Variants in GABRR2 observed in about 807,000 individuals in gnomAD.
GABRR2 encodes gamma-aminobutyric acid type A receptor subunit rho2, also known as gamma-aminobutyric acid receptor subunit rho-2.
In GABRR2, 36 loss-of-function variants were observed where a neutral mutation model predicts 47.0. The ratio of observed to expected loss-of-function variants is 0.77; its 90% confidence interval spans 0.59 to 1.01. The LOEUF (loss-of-function observed/expected upper bound fraction) is 1.01. Among genes scored for constraint, GABRR2 ranks in the 50% least tolerant of loss-of-function variants. The probability of loss-of-function intolerance (pLI) is 0.00; values close to 1 mark genes in which losing one functional copy is unlikely to be tolerated. For missense variants in GABRR2, 587 were observed against 594.6 expected, an observed-to-expected ratio of 0.99 and a Z score of 0.13; for synonymous variants, 204 against 227.5, an observed-to-expected ratio of 0.90 and a Z score of 0.93.
intron 8 of GABRR2, among the ~76,000 whole-genome samples, chr6:89,264,088 T>C (rs566344165): frequency 1.3e-5 from 2 of 152,202 alleles, no homozygotes; most frequent in Non-Finnish European, 2.9e-5. Context: ...AACTTTCACA[T>C]ACATTATCTC....
intron 2 of GABRR2, among the ~76,000 whole-genome samples, chr6:89,290,605 G>A (rs552906623): frequency 7.4e-4 from 113 of 152,328 alleles, no homozygotes; most frequent in African/African-American, 2.6e-3. Flanking sequence ...ACTCTGAGCC[G>A]GGTGTGGGGC....
At chr6:89,296,789 G>A (rs142505614) in intron 2 of GABRR2, among the ~76,000 whole-genome samples, 216 of 152,370 alleles carry the variant, frequency 1.4e-3, no homozygotes, top group African/African-American at 5.0e-3. Flanking sequence ...CAGAGTCAGG[G>A]TTTCTGGGAA....
intron 2 of GABRR2, among the ~76,000 whole-genome samples, chr6:89,288,998 G>A (rs1774389534): frequency 6.6e-6 from 1 of 152,152 alleles, no homozygotes; most frequent in Admixed American, 6.5e-5. Context: ...GTGACTGAAA[G>A]AATGAATCAA....
At chr6:89,298,855 A>G (rs1774599787) in intron 2 of GABRR2, among the ~76,000 whole-genome samples, 3 of 152,140 alleles carry the variant, frequency 2.0e-5, no homozygotes. Context: ...AGCCCTCACC[A>G]GTGGGATTAG....
At chr6:89,265,480 A>C in intron 7 of GABRR2, 133 bp downstream of exon 7, 2 of 977,232 alleles carry the variant, frequency 2.0e-6, no homozygotes, top group South Asian at 4.2e-5. Context: ...AAAGGCAAGA[A>C]ACATGAAGTT....
intron 1 of GABRR2, chr6:89,302,610 G>A: frequency 8.2e-7 from 1 of 1,212,402 alleles, no homozygotes; most frequent in Non-Finnish European, 1.2e-6. Flanking sequence ...GCATTACCGG[G>A]CCCTGACCGT....
intron 1 of GABRR2, among the ~76,000 whole-genome samples, chr6:89,308,574 C>T (rs1767614359): frequency 6.6e-6 from 1 of 152,166 alleles, no homozygotes; most frequent in African/African-American, 2.4e-5. Flanking sequence ...CCCAGATTCC[C>T]CTATAAGCCA....
intron 8 of GABRR2, 37 bp downstream of exon 8, chr6:89,264,375 G>T (rs1051132253): frequency 5.0e-6 from 8 of 1,588,270 alleles, no homozygotes; most frequent in Non-Finnish European, 6.0e-6. Context: ...TCACCCAGCA[G>T]CATGGACTTA....
At chr6:89,292,780 G>GA (rs1774482808) in intron 2 of GABRR2, among the ~76,000 whole-genome samples, 1 of 12,722 alleles carries the variant, frequency 7.9e-5, no homozygotes, top group Non-Finnish European at 1.3e-4. Flanking sequence ...CGTATATATC[G>GA]TATATACGAT....
intron 1 of GABRR2, among the ~76,000 whole-genome samples, chr6:89,303,835 G>T (rs992784660): frequency 6.6e-6 from 1 of 152,074 alleles, no homozygotes; most frequent in Non-Finnish European, 1.5e-5. Context: ...CTTATGCAAA[G>T]CCAACAAAAG....
rs531769395 is a variant in GABRR2 at position 89,269,085 on chromosome 6, C to T, written c.438G>A (p.Ser146=). 22 of 1,614,012 alleles carry T rather than the reference C, an allele frequency of 1.4e-5. No homozygotes were observed. The highest frequency in any genetic ancestry group is 3.3e-5 in the South Asian group (3 of 91,084). ...PDVFFVHSKR[S]FTHDTTTDNI... Reference sequence around the variant, plus strand: ...TGTCAGTGGTGGTGTCATGAGTGAACGATCTTTTGGAGTGAACAAAGAAGA... The same window carrying T: ...TGTCAGTGGTGGTGTCATGAGTGAATGATCTTTTGGAGTGAACAAAGAAGA... Residue 146 remains serine, a synonymous_variant, in exon 4 of 9, where the codon TCG becomes TCA. Transcript: ENST00000402938.
intron 8 of GABRR2, among the ~76,000 whole-genome samples, chr6:89,261,841 C>G (rs1773752803): frequency 6.6e-6 from 1 of 152,050 alleles, no homozygotes; most frequent in African/African-American, 2.4e-5. Context: ...AAGTTTGAAA[C>G]CAGTCTTGGC....
intron 8 of GABRR2, among the ~76,000 whole-genome samples, chr6:89,262,849 A>T (rs2127826547): frequency 6.6e-6 from 1 of 152,366 alleles, no homozygotes; most frequent in South Asian, 2.1e-4. Flanking sequence ...ATTGGCAATG[A>T]TCAGGTAGCA....
intron 6 of GABRR2, 146 bp from the exon 7 acceptor site, chr6:89,265,911 T>C: frequency 2.8e-6 from 2 of 702,768 alleles, no homozygotes; most frequent in South Asian, 4.2e-5. Context: ...ATAATACCTT[T>C]CTTTTCCAAA....
chr6:89,306,999 G>A (rs576534464), intron 1 of GABRR2, among the ~76,000 whole-genome samples: 3 of 152,314 alleles, frequency 2.0e-5, no homozygotes, highest in African/African-American at 7.2e-5. Flanking sequence ...CGTTAGGCTA[G>A]GGTTTATCTC....
Position 89,257,397 on chromosome 6 carries a change from T to C in GABRR2, c.*273A>G. 2.5e-6 allele frequency: 1 copy of C among 402,322 alleles called. No individual in the cohort carries two copies. Among genetic ancestry groups the C allele is most frequent in the Non-Finnish European group, 4.4e-6 (1 of 225,264 alleles). 24.9% of individuals were successfully genotyped at this position (402,322 alleles called of 1,614,324 possible). A position where few individuals can be genotyped will look rare whatever the true frequency, so the allele number is the denominator to read the frequency against. ...TGAATCCTTGTTTATAGGAGGGGAG[T>C]TCTTGTGAATTAGTTCACACACAAG... On this transcript the variant is annotated 3_prime_UTR_variant, in exon 9 of 9. Transcript: ENST00000402938.
In GABRR2 at chr6:89,265,763, A is replaced by G. The variant is rs770548299; in HGVS notation, c.739T>C (p.Trp247Arg). Residue 247 changes from tryptophan (W) to arginine (R), a missense_variant and splice_region_variant, in exon 7 of 9, where the codon TGG becomes CGG. Coordinates refer to ENST00000402938, the MANE Select transcript of GABRR2 (RefSeq NM_002043.5). Reference protein sequence around the residue: ...SRLAFYSSTGWYNRLYINFTL... With the variant: ...SRLAFYSSTGRYNRLYINFTL... The stretch of plus-strand genomic sequence containing the variant: ...AAGTTAATGTACAGACGGTTGTACC[A>G]GCCTAGGGGATGCAGGAAGAAGCCA... The G allele has an allele frequency of 5.0e-6, 8 of 1,613,774 alleles. No individual in the cohort carries two copies. Among genetic ancestry groups the G allele is most frequent in the Non-Finnish European group, 1.7e-6 (2 of 1,179,932 alleles).
At chr6:89,305,930 G>T (rs1465208911) in intron 1 of GABRR2, among the ~76,000 whole-genome samples, 1 of 151,944 alleles carries the variant, frequency 6.6e-6, no homozygotes, top group East Asian at 1.9e-4. Flanking sequence ...GAGTCTGCAT[G>T]TATACCCCTG....
intron 6 of GABRR2, among the ~76,000 whole-genome samples, chr6:89,266,999 CTT>C (rs71024360): frequency 1.0e-4 from 13 of 125,852 alleles, no homozygotes; most frequent in East Asian, 2.2e-4. Context: ...TTCTTTTCTT[CTT>C]TTTTTTTTTT....
Sources: gnomAD v4.1 joint callset for allele counts (sites outside exome capture counted in the v4.1 genomes callset) on GRCh38, gnomAD v4.1.1 for gene constraint, MANE v1.5 for transcripts, NCBI Gene and HGNC (gene_info 2026-07-23, HGNC 2026-07-21) for gene names.